DHX34: variants seen among roughly 807,000 people sequenced by gnomAD.
DHX34 encodes DExH-box helicase 34, also known as probable ATP-dependent RNA helicase DHX34.
In DHX34, 96 loss-of-function variants were observed where a neutral mutation model predicts 111.1. That is an observed-to-expected ratio of 0.86 (90% CI 0.73 to 1.02). The LOEUF (loss-of-function observed/expected upper bound fraction) is 1.02. DHX34 is among the 50% of genes least tolerant of loss of function. The pLI, the probability that DHX34 is intolerant of heterozygous loss-of-function variation, is 0.00. For missense variants in DHX34, 1,560 were observed against 1,579.9 expected (o/e 0.99, Z 0.21); for synonymous variants, 688 against 670.4 (o/e 1.03, Z -0.41).
chr19:47,370,866 G>C (rs1222620297), intron 7 of DHX34, among the ~76,000 whole-genome samples: 2 of 152,132 alleles, frequency 1.3e-5, no homozygotes, highest in African/African-American at 4.8e-5. Flanking sequence ...TAGAAACAGG[G>C]TTTCACCACA....
chr19:47,359,188 G>C (rs1969549275), intron 4 of DHX34, among the ~76,000 whole-genome samples: 1 of 152,172 alleles, frequency 6.6e-6, no homozygotes, highest in South Asian at 2.1e-4. Context: ...CAGATGGCCT[G>C]GTACATTGGC....
chr19:47,364,985 G>A (rs978769830), intron 6 of DHX34, among the ~76,000 whole-genome samples: 1 of 152,008 alleles, frequency 6.6e-6, no homozygotes, highest in Non-Finnish European at 1.5e-5. Flanking sequence ...TTCTCTGTGG[G>A]TCTAATTTTT....
At chr19:47,360,745 T>C (rs1268836223) in intron 5 of DHX34, among the ~76,000 whole-genome samples, 1 of 152,000 alleles carries the variant, frequency 6.6e-6, no homozygotes, top group Non-Finnish European at 1.5e-5. Context: ...TGGAGTGCAA[T>C]GGTGCAAGCT....
chr19:47,357,607 A>G, intron 3 of DHX34: 1 of 387,472 alleles, frequency 2.6e-6, no homozygotes, highest in Non-Finnish European at 3.5e-6. Context: ...AGCCCCCACG[A>G]CAAGGAATTA....
At chr19:47,364,672 A>G (rs1385045662) in intron 6 of DHX34, among the ~76,000 whole-genome samples, 2 of 152,106 alleles carry the variant, frequency 1.3e-5, no homozygotes, top group African/African-American at 2.4e-5. Flanking sequence ...CAGGAGTTCG[A>G]GGCTGCAGTG....
At chr19:47,367,187 G>A (rs1188125864) in intron 7 of DHX34, 32 bp downstream of exon 7, 1 of 1,419,686 alleles carries the variant, frequency 7.0e-7, no homozygotes, top group Non-Finnish European at 9.3e-7. Flanking sequence ...GATCACTCAG[G>A]GCCCCAGGAG....
At position 47,357,985 on chromosome 19, in the gene DHX34, T is replaced by TG. The variant is rs1347661291; in HGVS notation, c.1138dup (p.Asp380GlyfsTer48). Reference sequence around the variant, plus strand: ...ACAAGTACCCGCCTGAGGAGCGGGGTGACCTCCTCGTCTTCCTCAGCGGCA... The same window carrying TG: ...ACAAGTACCCGCCTGAGGAGCGGGGTGGACCTCCTCGTCTTCCTCAGCGGCA... On this transcript the variant is annotated frameshift_variant, in exon 4 of 17. Transcript: ENST00000328771. LOFTEE classifies it high-confidence loss of function. 1 of 1,613,756 alleles carries TG rather than the reference T, an allele frequency of 6.2e-7. No individual in the cohort carries two copies. Among genetic ancestry groups the TG allele is most frequent in the African/African-American group, 1.3e-5 (1 of 74,940 alleles).
At chr19:47,377,305 G>A in intron 13 of DHX34, 99 bp downstream of exon 13, 1 of 1,286,460 alleles carries the variant, frequency 7.8e-7, no homozygotes, top group Non-Finnish European at 1.1e-6. Flanking sequence ...GGGGCCACCT[G>A]GCACCTGGGC....
chr19:47,351,493 A>G (rs1173725643), intron 1 of DHX34, among the ~76,000 whole-genome samples: 1 of 152,028 alleles, frequency 6.6e-6, no homozygotes, highest in Non-Finnish European at 1.5e-5. Context: ...GACCTAAATG[A>G]TGTTGCCAAG....
chr19:47,353,627 G>A lies in DHX34; in HGVS notation c.597G>A (p.Leu199=). The change falls in exon 2 of 17, where the codon CTG becomes CTA. Residue 199 remains leucine, a synonymous_variant. Transcript: ENST00000328771. The surrounding 1 kb of genome is among the most constrained non-coding windows in gnomAD (Gnocchi z 4.6). The stretch of plus-strand genomic sequence containing the variant: ...AGTCCACTCAGGTGCCCCAGTACCT[G>A]CTGGCTGCTGGCTTCAGTCATGTGG... The part of the protein sequence containing the change: ...CGKSTQVPQY[L]LAAGFSHVAC... The A allele has an allele frequency of 6.2e-7, 1 of 1,613,042 alleles. No individual in the cohort carries two copies. Among genetic ancestry groups the A allele is most frequent in the Non-Finnish European group, 8.5e-7 (1 of 1,179,920 alleles).
At chr19:47,376,909 C>T in intron 12 of DHX34, 191 bp from the exon 13 acceptor site, 1 of 1,535,510 alleles carries the variant, frequency 6.5e-7, no homozygotes, top group Non-Finnish European at 8.7e-7. Context: ...GGGTGTCTCG[C>T]TGCAGGCATG....
Position 47,381,973 on chromosome 19 carries a change from C to T in DHX34, c.3299-7C>T. 1 of 1,614,048 alleles carries T rather than the reference C, an allele frequency of 6.2e-7. No individual in the cohort carries two copies. The highest frequency in any genetic ancestry group is 1.3e-5 in the African/African-American group (1 of 75,046). ...CCCCTCACAGCCTCCTCCTTTTCCT[C>T]CCTTAGGGGCTGAGGAAGCTGCCCT... is the stretch of plus-strand genomic sequence containing the variant. On this transcript the variant is annotated splice_polypyrimidine_tract_variant and splice_region_variant and intron_variant, in intron 16 of 16. Coordinates refer to ENST00000328771, the MANE Select transcript of DHX34 (RefSeq NM_014681.6).
intron 3 of DHX34, 177 bp from the exon 4 acceptor site, chr19:47,357,689 G>GA: frequency 2.1e-6 from 2 of 941,230 alleles, no homozygotes; most frequent in Non-Finnish European, 2.5e-6. Flanking sequence ...AATGAGAAAG[G>GA]AGAAGCCTGG....
intron 7 of DHX34, among the ~76,000 whole-genome samples, chr19:47,371,544 A>G (rs1365532343): frequency 6.6e-6 from 1 of 152,234 alleles, no homozygotes; most frequent in Non-Finnish European, 1.5e-5. Context: ...GGGCCTGCAC[A>G]GTACAGCCCC....
intron 7 of DHX34, among the ~76,000 whole-genome samples, chr19:47,369,889 C>T (rs374746442): frequency 4.8e-4 from 73 of 152,172 alleles, no homozygotes; most frequent in Middle Eastern, 3.4e-3. Flanking sequence ...CCACAGAGGT[C>T]GACGGAGACC....
intron 5 of DHX34, among the ~76,000 whole-genome samples, chr19:47,360,578 C>T (rs1969599224): frequency 6.6e-6 from 1 of 152,144 alleles, no homozygotes. Flanking sequence ...AATGTCCACC[C>T]GTCAGAGAGG....
At position 47,352,939 on chromosome 19, in the gene DHX34, G is replaced by T; in HGVS notation, c.-92G>T. 6.7e-7 allele frequency: 1 copy of T among 1,484,710 alleles called. No homozygotes were observed. 92.0% of individuals were successfully genotyped at this position (1,484,710 alleles called of 1,614,324 possible). A position where few individuals can be genotyped will look rare whatever the true frequency, so the allele number is the denominator to read the frequency against. The stretch of plus-strand genomic sequence containing the variant: ...AAGAGAAAGTAGTTCTCTATTGCAG[G>T]CACTGGCCTCTTAAATTGTTGCAGG... On this transcript the variant is annotated 5_prime_UTR_variant, in exon 2 of 17. Coordinates refer to ENST00000328771, the MANE Select transcript of DHX34 (RefSeq NM_014681.6).
chr19:47,360,828 C>A (rs1297296917), intron 5 of DHX34, among the ~76,000 whole-genome samples: 1 of 151,998 alleles, frequency 6.6e-6, no homozygotes. Context: ...TGCATCACCA[C>A]GCCCGGCTAA....
At chr19:47,368,637 TATAC>T (rs1568401355) in intron 7 of DHX34, among the ~76,000 whole-genome samples, 20 of 139,634 alleles carry the variant, frequency 1.4e-4, no homozygotes, top group African/African-American at 4.0e-4. Flanking sequence ...TGTGTATATA[TATAC>T]ACACACACAC....
Sources: allele counts gnomAD v4.1 joint callset (sites outside exome capture counted in the v4.1 genomes callset), GRCh38; gene constraint gnomAD v4.1.1; non-coding constraint Gnocchi (gnomAD v3.1); transcripts MANE v1.5; gene names NCBI Gene and HGNC (gene_info 2026-07-23, HGNC 2026-07-21).